Variants in NEGR1 observed in about 807,000 individuals in gnomAD.
NEGR1 encodes the protein neuronal growth regulator 1, also known as IgLON family member 4.
NEGR1 carries 10 observed loss-of-function variants against 40.9 expected under a neutral mutation model. The observed-to-expected ratio is 0.24, with a 90% CI of 0.15 to 0.42. NEGR1 has a LOEUF of 0.42. Ranked by LOEUF, NEGR1 falls within the 10% of genes least tolerant of loss-of-function variation. The pLI is 1.00. For synonymous variants in NEGR1, 185 were observed against 166.8 expected, an observed-to-expected ratio of 1.11 and a Z score of -0.84; for missense variants, 352 against 438.9, an observed-to-expected ratio of 0.80 and a Z score of 1.77.
chr1:71,425,127 T>C (rs1646420822), intron 6 of NEGR1, among the ~76,000 whole-genome samples: 1 of 151,666 alleles, frequency 6.6e-6, no homozygotes, highest in Non-Finnish European at 1.5e-5. Context: ...AAAAAAGACA[T>C]GTCAAGATGA....
chr1:71,983,847 T>C (rs1002078999), intron 1 of NEGR1, among the ~76,000 whole-genome samples: 3 of 152,202 alleles, frequency 2.0e-5, no homozygotes, highest in Non-Finnish European at 4.4e-5. Context: ...AACTTATTTT[T>C]TCTATTCATA....
intron 6 of NEGR1, among the ~76,000 whole-genome samples, chr1:71,455,512 G>A (rs1007429158): frequency 2.0e-5 from 3 of 152,192 alleles, no homozygotes; most frequent in Admixed American, 6.5e-5. Flanking sequence ...AGATCACAAG[G>A]TCAGGAGATC....
intron 3 of NEGR1, among the ~76,000 whole-genome samples, chr1:71,722,079 T>C (rs1055277958): frequency 2.6e-5 from 4 of 152,112 alleles, no homozygotes; most frequent in African/African-American, 7.2e-5. Flanking sequence ...TAGGGGACTT[T>C]TCAACAATTA....
At chr1:71,952,150 A>G (rs1460053046) in intron 1 of NEGR1, among the ~76,000 whole-genome samples, 1 of 151,970 alleles carries the variant, frequency 6.6e-6, no homozygotes, top group East Asian at 1.9e-4. Flanking sequence ...TTAAATCAGA[A>G]GCTAGAAATG....
rs72942904 is a variant in NEGR1, at chr1:72,253,597, T to C, written c.176+28722A>G. ...TAAGCTAGGAATAAGTAAGTGTTCA[T>C]GCAGAAAGTGATAAATGCTGGAATA... is the stretch of plus-strand genomic sequence containing the variant. On this transcript the variant is annotated intron_variant, in intron 1 of 6. Coordinates refer to ENST00000357731, the MANE Select transcript of NEGR1 (RefSeq NM_173808.3). Among the ~76,000 whole-genome samples, 1,234 of 152,272 alleles carry C rather than the reference T, an allele frequency of 8.1e-3. 19 individuals are homozygous for C. Among genetic ancestry groups the C allele is most frequent in the African/African-American group, 0.028 (1,157 of 41,554 alleles).
chr1:71,666,019 A>T, intron 4 of NEGR1, among the ~76,000 whole-genome samples: 1 of 152,288 alleles, frequency 6.6e-6, no homozygotes, highest in Non-Finnish European at 1.5e-5. Context: ...AAAACTAGAG[A>T]CAGCCTCTAC....
intron 4 of NEGR1, among the ~76,000 whole-genome samples, chr1:71,618,010 A>T (rs1158375586): frequency 2.0e-5 from 3 of 152,176 alleles, no homozygotes; most frequent in East Asian, 3.9e-4. Flanking sequence ...ACTCCAGGGG[A>T]GAATGACAAC....
intron 2 of NEGR1, among the ~76,000 whole-genome samples, chr1:71,926,909 T>C (rs1156793986): frequency 2.0e-5 from 3 of 152,118 alleles, no homozygotes; most frequent in Non-Finnish European, 4.4e-5. Flanking sequence ...GGAAGTAAAA[T>C]ACTATTTACT....
intron 1 of NEGR1, among the ~76,000 whole-genome samples, chr1:72,069,625 A>G (rs1272608089): frequency 6.6e-6 from 1 of 152,036 alleles, no homozygotes; most frequent in African/African-American, 2.4e-5. Flanking sequence ...CAGTCTTTTT[A>G]TCTCTCTATT....
At chr1:71,526,414 T>C (rs1458959601) in intron 6 of NEGR1, among the ~76,000 whole-genome samples, 1 of 151,570 alleles carries the variant, frequency 6.6e-6, no homozygotes, top group Non-Finnish European at 1.5e-5. Flanking sequence ...TACACAGTAA[T>C]AGTATTCTCC....
chr1:71,618,657 T>C (rs1650518170), intron 4 of NEGR1, among the ~76,000 whole-genome samples: 1 of 152,014 alleles, frequency 6.6e-6, no homozygotes, highest in Admixed American at 6.6e-5. Context: ...TATGTTACAA[T>C]ATAATAATAA....
chr1:71,624,412 A>G (rs898120347), intron 4 of NEGR1, among the ~76,000 whole-genome samples: 6 of 151,954 alleles, frequency 3.9e-5, no homozygotes, highest in Non-Finnish European at 8.8e-5. Context: ...TTTCTGTTAA[A>G]AGAAGACAAA....
chr1:72,158,484 C>A (rs777630243), intron 1 of NEGR1, among the ~76,000 whole-genome samples: 4 of 152,102 alleles, frequency 2.6e-5, no homozygotes, highest in African/African-American at 7.2e-5. Context: ...TCATGTGACA[C>A]AGTGGCCCAA....
At chr1:72,177,028 G>A (rs1478295695) in intron 1 of NEGR1, among the ~76,000 whole-genome samples, 1 of 151,972 alleles carries the variant, frequency 6.6e-6, no homozygotes, top group East Asian at 1.9e-4. Flanking sequence ...CACATAAAAT[G>A]GAATGACTAA....
chr1:71,693,604 G>A (rs937640315), intron 4 of NEGR1, among the ~76,000 whole-genome samples: 5 of 151,490 alleles, frequency 3.3e-5, no homozygotes, highest in African/African-American at 1.2e-4. Flanking sequence ...TTACAGAAGT[G>A]AAAACTGAGA....
chr1:71,939,208 A>G (rs1645937490), intron 1 of NEGR1, among the ~76,000 whole-genome samples: 1 of 152,076 alleles, frequency 6.6e-6, no homozygotes, highest in South Asian at 2.1e-4. Context: ...CTTGTTCCCT[A>G]TCTTCCTTAG....
rs190232131 is a variant in NEGR1, at chr1:71,792,076, A to C, written c.410-15779T>G. 8.9e-4 allele frequency among the ~76,000 whole-genome samples: 136 copies of C among 152,258 alleles called. 1 individual carries two copies. The highest frequency in any genetic ancestry group is 8.5e-3 in the Admixed American group (130 of 15,290). ...CTTTGAGTTAAAACATTGCTAAAATAATGGACGCAAAAACAAACATGTTGT... is the reference window on the plus strand; with the variant it reads ...CTTTGAGTTAAAACATTGCTAAAATCATGGACGCAAAAACAAACATGTTGT... On this transcript the variant is annotated intron_variant, in intron 2 of 6. Coordinates refer to ENST00000357731, the MANE Select transcript of NEGR1 (RefSeq NM_173808.3).
chr1:71,734,578 T>G (rs1654988724), intron 3 of NEGR1, among the ~76,000 whole-genome samples: 1 of 152,192 alleles, frequency 6.6e-6, no homozygotes, highest in South Asian at 2.1e-4. Context: ...TTAATTTTAC[T>G]AAAGTAAAAA....
At position 71,639,170 on chromosome 1, in the gene NEGR1, T is replaced by C. The variant is rs2101571710; in HGVS notation, c.668-28024A>G. Among the ~76,000 whole-genome samples, 2 of 139,106 alleles carry C rather than the reference T, an allele frequency of 1.4e-5. 1 individual carries two copies. The highest frequency in any genetic ancestry group is 4.2e-4 in the East Asian group (2 of 4,718). The allele number at this position is 139,106 out of a possible 152,430, so 91.3% of individuals were successfully genotyped here. ...AAAAATACACCATCCTTGCATAGAATACTTCTGCATATTTGAAGATGAACA... is the reference window on the plus strand; with the variant it reads ...AAAAATACACCATCCTTGCATAGAACACTTCTGCATATTTGAAGATGAACA... On this transcript the variant is annotated intron_variant, in intron 4 of 6. Transcript: ENST00000357731.
Sources: gnomAD v4.1 joint callset for allele counts (sites outside exome capture counted in the v4.1 genomes callset) on GRCh38, gnomAD v4.1.1 for gene constraint, MANE v1.5 for transcripts, NCBI Gene and HGNC (gene_info 2026-07-23, HGNC 2026-07-21) for gene names.